Variants in HECTD4 observed in about 807,000 individuals in gnomAD.
The protein encoded by HECTD4 is probable E3 ubiquitin-protein ligase HECTD4.
Under a neutral mutation model 471.5 loss-of-function variants are expected in HECTD4, and 114 were observed. That is an observed-to-expected ratio of 0.24 (90% confidence interval 0.21 to 0.28). HECTD4 has a LOEUF of 0.28. Among genes scored for constraint, HECTD4 ranks in the 10% least tolerant of loss-of-function variants. The probability of loss-of-function intolerance (pLI) is 1.00; values close to 1 mark genes in which losing one functional copy is unlikely to be tolerated. For synonymous variants in HECTD4, 2,012 were observed against 2,256.0 expected, an observed-to-expected ratio of 0.89 and a Z score of 3.07; for missense variants, 3,866 against 5,651.5, an observed-to-expected ratio of 0.68 and a Z score of 10.13.
intron 7 of HECTD4, among the ~76,000 whole-genome samples, chr12:112,289,511 G>A (rs1169991952): frequency 6.6e-6 from 1 of 152,064 alleles, no homozygotes; most frequent in Non-Finnish European, 1.5e-5. Flanking sequence ...AAGCTGAGCT[G>A]ACTGTTTTAT....
Position 112,381,471 on chromosome 12 carries a change from A to C in HECTD4, c.177+481T>G, listed in dbSNP as rs1326109282. 6.6e-6 allele frequency among the ~76,000 whole-genome samples: 1 copy of C among 152,210 alleles called. No homozygotes were observed. The highest frequency in any genetic ancestry group is 2.4e-5 in the African/African-American group (1 of 41,462). ...GCAGCTGCCACTACCCTCTCCCGGA[A>C]AAAAACCAAACCAAACCAAACAAAA... On this transcript the variant is annotated intron_variant, in intron 1 of 75. Coordinates refer to ENST00000682272, the MANE Select transcript of HECTD4 (RefSeq NM_001388303.1). This position sits in a 1 kb window ranked among gnomAD's most constrained non-coding sequence, Gnocchi z 4.1.
At chr12:112,246,001 G>A (rs756318652) in intron 29 of HECTD4, among the ~76,000 whole-genome samples, 7 of 151,858 alleles carry the variant, frequency 4.6e-5, no homozygotes, top group East Asian at 1.9e-4. Flanking sequence ...GCATGGTGGT[G>A]AGCGCCTGTA....
intron 9 of HECTD4, among the ~76,000 whole-genome samples, chr12:112,275,706 TGA>T (rs1425266905): frequency 6.6e-6 from 1 of 152,134 alleles, no homozygotes; most frequent in Non-Finnish European, 1.5e-5. Flanking sequence ...CTGTGTCTCT[TGA>T]GTTTTCTTCT....
intron 1 of HECTD4, among the ~76,000 whole-genome samples, chr12:112,349,518 T>G (rs911890281): frequency 2.6e-5 from 4 of 152,132 alleles, no homozygotes; most frequent in Admixed American, 6.5e-5. Flanking sequence ...CAAGTTACTT[T>G]CCAGTGAAGA....
intron 7 of HECTD4, among the ~76,000 whole-genome samples, chr12:112,295,097 G>C (rs554412925): frequency 1.3e-5 from 2 of 151,658 alleles, no homozygotes; most frequent in South Asian, 4.2e-4. Flanking sequence ...TTGAGTCCAG[G>C]AGTTCGAGGC....
rs2031281865 is a variant in HECTD4, at chr12:112,172,819, T to C, written c.11637A>G (p.Arg3879=). 1.9e-6 allele frequency: 3 copies of C among 1,613,950 alleles called. No individual in the cohort carries two copies. The highest frequency in any genetic ancestry group is 1.7e-6 in the Non-Finnish European group (2 of 1,179,882). Residue 3879 remains arginine, a synonymous_variant, in exon 67 of 76, where the codon AGA becomes AGG. Coordinates refer to ENST00000682272, the MANE Select transcript of HECTD4 (RefSeq NM_001388303.1). ...CCACGTCCATCTCCAGGGTCCACTTTCTTGAGGCCTTCTGTGCATGTCGGA... is the reference window on the plus strand; with the variant it reads ...CCACGTCCATCTCCAGGGTCCACTTCCTTGAGGCCTTCTGTGCATGTCGGA... ...IDVRHAQKAS[R]KWTLEMDVAL...
intron 8 of HECTD4, among the ~76,000 whole-genome samples, chr12:112,281,247 A>G (rs1045758512): frequency 2.0e-5 from 3 of 151,786 alleles, no homozygotes; most frequent in South Asian, 2.1e-4. Context: ...CAGCCTGGAC[A>G]ACATAACAAG....
At chr12:112,174,889 G>T (rs2031376700) in intron 66 of HECTD4, among the ~76,000 whole-genome samples, 1 of 152,208 alleles carries the variant, frequency 6.6e-6, no homozygotes, top group Non-Finnish European at 1.5e-5. Context: ...CACTTGCTGT[G>T]GACAAGGCTG....
At chr12:112,345,229 T>C (rs752525375) in intron 1 of HECTD4, among the ~76,000 whole-genome samples, 28 of 150,462 alleles carry the variant, frequency 1.9e-4, no homozygotes, top group Non-Finnish European at 3.5e-4. Flanking sequence ...CACTCCAACC[T>C]GGGTGACAGA....
At chr12:112,168,551 C>T (rs960740055) in intron 70 of HECTD4, among the ~76,000 whole-genome samples, 7 of 152,224 alleles carry the variant, frequency 4.6e-5, no homozygotes, top group East Asian at 1.9e-4. Context: ...CACAGCTGTG[C>T]CCACACCCTG....
At chr12:112,286,941 A>G (rs953981760) in intron 7 of HECTD4, among the ~76,000 whole-genome samples, 1 of 152,018 alleles carries the variant, frequency 6.6e-6, no homozygotes, top group African/African-American at 2.4e-5. Context: ...GGTACTTGCT[A>G]TTCCCTCTTG....
chr12:112,220,700 G>C (rs2033062579), intron 44 of HECTD4, among the ~76,000 whole-genome samples: 1 of 152,160 alleles, frequency 6.6e-6, no homozygotes, highest in Non-Finnish European at 1.5e-5. Flanking sequence ...GGGAGGGTGA[G>C]GCATGATAAT....
chr12:112,185,498 G>A lies in HECTD4; in HGVS notation c.9473-5C>T, dbSNP rs768961469. The A allele has an allele frequency of 2.2e-5, 34 of 1,535,120 alleles. No homozygotes were observed. The East Asian group carries it at 7.0e-4, about 32-fold the overall frequency. ...CCGTGGTCCACAAGAAGTTTCCTGA[G>A]GCAAATGAAAATAGTAACAGTAATT... On this transcript the variant is annotated splice_region_variant and splice_polypyrimidine_tract_variant and intron_variant, in intron 60 of 75. Coordinates refer to ENST00000682272, the MANE Select transcript of HECTD4 (RefSeq NM_001388303.1).
chr12:112,368,265 T>C (rs151266027), intron 1 of HECTD4, among the ~76,000 whole-genome samples: 58 of 152,316 alleles, frequency 3.8e-4, no homozygotes, highest in East Asian at 3.3e-3. Flanking sequence ...ATGTGCTTAA[T>C]AGCACTTTCT....
At chr12:112,361,752 A>G (rs981098029) in intron 1 of HECTD4, among the ~76,000 whole-genome samples, 3 of 152,138 alleles carry the variant, frequency 2.0e-5, no homozygotes, top group African/African-American at 4.8e-5. Flanking sequence ...GTCCCAGGTT[A>G]TTTGTCACTG....
intron 1 of HECTD4, among the ~76,000 whole-genome samples, chr12:112,320,543 C>CA (rs912391070): frequency 4.8e-4 from 72 of 150,510 alleles, no homozygotes; most frequent in Non-Finnish European, 1.0e-4. Flanking sequence ...ACTAAAAATA[C>CA]AAAAAAAATT....
At chr12:112,327,993 C>T (rs776077374) in intron 1 of HECTD4, among the ~76,000 whole-genome samples, 8 of 152,090 alleles carry the variant, frequency 5.3e-5, no homozygotes, top group Non-Finnish European at 1.0e-4. Flanking sequence ...CTATACTCCC[C>T]GGTATGGGAC....
chr12:112,199,243 T>C (rs2032340866), intron 55 of HECTD4, among the ~76,000 whole-genome samples: 1 of 152,214 alleles, frequency 6.6e-6, no homozygotes, highest in Non-Finnish European at 1.5e-5. Context: ...GATATTGCCC[T>C]GTGGTATGCC....
chr12:112,317,125 T>C (rs913768892), intron 2 of HECTD4, among the ~76,000 whole-genome samples: 1 of 152,234 alleles, frequency 6.6e-6, no homozygotes, highest in Admixed American at 6.5e-5. Context: ...CAAATGGAAT[T>C]TGCACAGTGA....
Sources: gnomAD v4.1 joint callset for allele counts (sites outside exome capture counted in the v4.1 genomes callset) on GRCh38, gnomAD v4.1.1 for gene constraint, Gnocchi (gnomAD v3.1) non-coding constraint, MANE v1.5 for transcripts, NCBI Gene and HGNC (gene_info 2026-07-23, HGNC 2026-07-21) for gene names.